Variants in FBXW7 observed in about 807,000 individuals in gnomAD.
FBXW7 encodes the protein F-box/WD repeat-containing protein 7.
Under a neutral mutation model 86.3 loss-of-function variants are expected in FBXW7, and 11 were observed. The ratio of observed to expected loss-of-function variants is 0.13; its 90% CI spans 0.08 to 0.21. FBXW7 has a LOEUF of 0.21. Ranked by LOEUF, FBXW7 falls within the 10% of genes least tolerant of loss-of-function variation. The pLI is 1.00. For missense variants in FBXW7, 488 were observed against 847.4 expected, an observed-to-expected ratio of 0.58 and a Z score of 5.27; for synonymous variants, 313 against 297.9, an observed-to-expected ratio of 1.05 and a Z score of -0.52.
chr4:152,361,356 T>C (rs1732920798), intron 4 of FBXW7, among the ~76,000 whole-genome samples: 1 of 152,140 alleles, frequency 6.6e-6, no homozygotes, highest in Non-Finnish European at 1.5e-5. Context: ...ATATATACTT[T>C]AACAAATTAC....
At chr4:152,359,638 C>CAA (rs1411708720) in intron 4 of FBXW7, among the ~76,000 whole-genome samples, 3 of 151,488 alleles carry the variant, frequency 2.0e-5, no homozygotes, top group African/African-American at 7.3e-5. Flanking sequence ...CAAAACAAAA[C>CAA]AACAACAAAA....
chr4:152,389,291 C>T (rs141621945), intron 4 of FBXW7, among the ~76,000 whole-genome samples: 257 of 151,794 alleles, frequency 1.7e-3, no homozygotes, highest in African/African-American at 5.5e-3. Context: ...GGGCATCTAC[C>T]CAAAAGAAAA....
chr4:152,456,360 TAAAAAAAAAAA>T (rs58250889), intron 2 of FBXW7, among the ~76,000 whole-genome samples: 13 of 72,124 alleles, frequency 1.8e-4, no homozygotes, highest in Admixed American at 7.3e-4. Context: ...AAAAAATCCT[TAAAAAAAAAAA>T]AAAAAAAAAA....
At chr4:152,531,453 T>C (rs1187317098) in intron 2 of FBXW7, among the ~76,000 whole-genome samples, 1 of 152,026 alleles carries the variant, frequency 6.6e-6, no homozygotes, top group Non-Finnish European at 1.5e-5. Flanking sequence ...AAAGTGTGAA[T>C]ATATATTTCC....
chr4:152,431,297 G>T (rs1482139041), intron 2 of FBXW7, among the ~76,000 whole-genome samples: 1 of 152,164 alleles, frequency 6.6e-6, no homozygotes, highest in African/African-American at 2.4e-5. Flanking sequence ...AATCAGGGCA[G>T]CCCCCATTCT....
In FBXW7 at chr4:152,320,563, AT is replaced by A. The variant is rs1342145589; in HGVS notation, c.*2317del. The A allele has an allele frequency of 6.6e-6, 1 of 151,412 alleles. No individual in the cohort carries two copies. Among genetic ancestry groups the A allele is most frequent in the African/African-American group, 2.4e-5 (1 of 41,136 alleles). 9.4% of individuals were successfully genotyped at this position (151,412 alleles called of 1,614,324 possible). A position where few individuals can be genotyped will look rare whatever the true frequency, so the allele number is the denominator to read the frequency against. On this transcript the variant is annotated 3_prime_UTR_variant, in exon 14 of 14. Transcript: ENST00000281708. Reference sequence around the variant, plus strand: ...TAGAACTAGTTTCAAAAACAACTTTATTTTTTCCCCTTACATCATAAAATTT... The same window carrying A: ...TAGAACTAGTTTCAAAAACAACTTTATTTTTCCCCTTACATCATAAAATTT...
chr4:152,324,524 G>A, intron 12 of FBXW7, 130 bp from the exon 13 acceptor site: 1 of 697,086 alleles, frequency 1.4e-6, no homozygotes. Context: ...GAGGTACTAA[G>A]ATAAAGTGGC....
chr4:152,506,076 T>G (rs1317692923), intron 2 of FBXW7, among the ~76,000 whole-genome samples: 1 of 152,084 alleles, frequency 6.6e-6, no homozygotes, highest in Admixed American at 6.5e-5. Flanking sequence ...TGTAAATATA[T>G]CAACCAGTAA....
At chr4:152,379,360 A>T (rs926246487) in intron 4 of FBXW7, among the ~76,000 whole-genome samples, 2 of 152,130 alleles carry the variant, frequency 1.3e-5, no homozygotes, top group African/African-American at 4.8e-5. Context: ...TTTTTTAGTT[A>T]AAAATTGTAT....
At chr4:152,365,091 T>C (rs988708881) in intron 4 of FBXW7, among the ~76,000 whole-genome samples, 1 of 152,038 alleles carries the variant, frequency 6.6e-6, no homozygotes, top group African/African-American at 2.4e-5. Context: ...AATGGTGAGG[T>C]TTCCACCTAG....
chr4:152,491,676 C>A (rs773773345), intron 2 of FBXW7, among the ~76,000 whole-genome samples: 29 of 152,122 alleles, frequency 1.9e-4, no homozygotes, highest in Non-Finnish European at 3.8e-4. Flanking sequence ...AGTCAGACCA[C>A]AGGTGCTGTT....
chr4:152,324,590 T>C, intron 12 of FBXW7, 196 bp from the exon 13 acceptor site: 1 of 532,982 alleles, frequency 1.9e-6, no homozygotes, highest in Non-Finnish European at 3.3e-6. Context: ...TCTCACACAC[T>C]TCTATCAGAA....
chr4:152,338,692 C>T (rs1730409499), intron 6 of FBXW7, among the ~76,000 whole-genome samples: 1 of 152,058 alleles, frequency 6.6e-6, no homozygotes, highest in African/African-American at 2.4e-5. Context: ...AACACCTGCA[C>T]AGAAAAGCCA....
At chr4:152,505,990 C>T (rs1747383162) in intron 2 of FBXW7, among the ~76,000 whole-genome samples, 2 of 152,024 alleles carry the variant, frequency 1.3e-5, no homozygotes, top group African/African-American at 4.8e-5. Flanking sequence ...ATTCGTCCGC[C>T]TCGGCCTCCC....
At chr4:152,517,525 A>G (rs1658396331) in intron 2 of FBXW7, among the ~76,000 whole-genome samples, 1 of 152,208 alleles carries the variant, frequency 6.6e-6, no homozygotes, top group Non-Finnish European at 1.5e-5. Flanking sequence ...ACAGTATAGA[A>G]TAAAGATTAA....
rs995684558 is a variant in FBXW7, at chr4:152,400,213, T to C, written c.501+11090A>G. The stretch of plus-strand genomic sequence containing the variant: ...AGCTAGTCTTTTCCGCAAATGGTGC[T>C]GAACCACCGAACATCCACATGCAAA... On this transcript the variant is annotated intron_variant, in intron 4 of 13. Coordinates refer to ENST00000281708, the MANE Select transcript of FBXW7 (RefSeq NM_001349798.2). 2.6e-5 allele frequency among the ~76,000 whole-genome samples: 4 copies of C among 152,272 alleles called. No individual in the cohort carries two copies. In the South Asian group the frequency reaches 8.3e-4, roughly 32 times the overall value.
At chr4:152,475,257 T>C (rs889129894) in intron 2 of FBXW7, among the ~76,000 whole-genome samples, 8 of 151,230 alleles carry the variant, frequency 5.3e-5, no homozygotes, top group Admixed American at 6.6e-5. Flanking sequence ...CAAGACCTCA[T>C]CTCCACAAAA....
intron 11 of FBXW7, among the ~76,000 whole-genome samples, chr4:152,327,265 A>G (rs1729126723): frequency 6.6e-6 from 1 of 152,118 alleles, no homozygotes; most frequent in Non-Finnish European, 1.5e-5. Flanking sequence ...TGTTCAAAGT[A>G]GAGGTAAATG....
At chr4:152,377,931 T>C (rs1023949661) in intron 4 of FBXW7, among the ~76,000 whole-genome samples, 5 of 152,132 alleles carry the variant, frequency 3.3e-5, no homozygotes, top group Non-Finnish European at 5.9e-5. Context: ...AAAAGCTATA[T>C]GCAAAAGAAA....
Sources: allele counts gnomAD v4.1 joint callset (sites outside exome capture counted in the v4.1 genomes callset), GRCh38; gene constraint gnomAD v4.1.1; transcripts MANE v1.5; gene names NCBI Gene and HGNC (gene_info 2026-07-23, HGNC 2026-07-21).